The following PIEZO2 variants were observed in gnomAD, a reference collection of about 807,000 sequenced individuals.
The protein encoded by PIEZO2 is piezo-type mechanosensitive ion channel component 2.
PIEZO2 carries 172 observed loss-of-function variants against 337.3 expected under a neutral mutation model. That is an observed-to-expected ratio of 0.51 (90% CI 0.45 to 0.58). The LOEUF (loss-of-function observed/expected upper bound fraction) is 0.58. PIEZO2 is among the 20% of genes least tolerant of loss of function. The probability of loss-of-function intolerance (pLI) is 0.00; values close to 1 mark genes in which losing one functional copy is unlikely to be tolerated. For missense variants in PIEZO2, 3,028 were observed against 3,391.3 expected, an observed-to-expected ratio of 0.89 and a Z score of 2.66; for synonymous variants, 1,251 against 1,228.5, an observed-to-expected ratio of 1.02 and a Z score of -0.38.
At chr18:10,742,087 G>C (rs868362569) in intron 32 of PIEZO2, among the ~76,000 whole-genome samples, 1 of 151,866 alleles carries the variant, frequency 6.6e-6, no homozygotes, top group African/African-American at 2.4e-5. Flanking sequence ...CCCGGGAGGC[G>C]GAGCTTGCAG....
intron 2 of PIEZO2, among the ~76,000 whole-genome samples, chr18:10,983,485 T>A (rs1378952655): frequency 6.6e-6 from 1 of 152,116 alleles, no homozygotes; most frequent in Non-Finnish European, 1.5e-5. Context: ...TGCGGTCTTG[T>A]GAAATGTTAG....
rs1338375440 is a variant in PIEZO2 at position 10,813,274 on chromosome 18, C to CG, written c.918-6001dup. On this transcript the variant is annotated intron_variant, in intron 7 of 55. Coordinates refer to ENST00000674853, the MANE Select transcript of PIEZO2 (RefSeq NM_001378183.1). The surrounding 1 kb of genome is among the most constrained non-coding windows in gnomAD (Gnocchi z 4.2). ...CATTACAGGAGTGAGCCACCGCGCCCGGGCCATTTTAAACATTTTTAAGAA... is the reference window on the plus strand; with the variant it reads ...CATTACAGGAGTGAGCCACCGCGCCCGGGGCCATTTTAAACATTTTTAAGAA... 6.6e-6 allele frequency among the ~76,000 whole-genome samples: 1 copy of CG among 152,122 alleles called. No individual in the cohort carries two copies. Among genetic ancestry groups the CG allele is most frequent in the African/African-American group, 2.4e-5 (1 of 41,414 alleles).
At chr18:11,034,068 C>G (rs553988795) in intron 2 of PIEZO2, among the ~76,000 whole-genome samples, 31 of 152,102 alleles carry the variant, frequency 2.0e-4, no homozygotes, top group Non-Finnish European at 3.7e-4. Context: ...TCTTCTCACC[C>G]AATGCTGTGT....
chr18:10,789,490 T>A, intron 14 of PIEZO2, 125 bp from the exon 15 acceptor site: 1 of 1,165,672 alleles, frequency 8.6e-7, no homozygotes, highest in Non-Finnish European at 1.2e-6. Flanking sequence ...TTGGATGATT[T>A]TAGACTATTC....
intron 16 of PIEZO2, 83 bp downstream of exon 16, chr18:10,786,953 C>T: frequency 7.6e-7 from 1 of 1,319,130 alleles, no homozygotes; most frequent in Non-Finnish European, 1.0e-6. Flanking sequence ...TCATGCTTTA[C>T]TAAAATCTTC....
intron 2 of PIEZO2, among the ~76,000 whole-genome samples, chr18:11,051,627 A>T (rs747746178): frequency 1.4e-4 from 21 of 152,170 alleles, no homozygotes; most frequent in Non-Finnish European, 2.8e-4. Context: ...TGGCAGGACT[A>T]AATAAGCAAA....
chr18:11,008,431 G>A (rs995391275), intron 2 of PIEZO2, among the ~76,000 whole-genome samples: 2 of 152,108 alleles, frequency 1.3e-5, no homozygotes, highest in Non-Finnish European at 2.9e-5. Flanking sequence ...CCCTCAGGAC[G>A]ACCTAACTTC....
rs1164295442 is a variant in PIEZO2, at chr18:11,148,047, C to G, written c.64+478G>C. On this transcript the variant is annotated intron_variant, in intron 1 of 55. Coordinates refer to ENST00000674853, the MANE Select transcript of PIEZO2 (RefSeq NM_001378183.1). This position sits in a 1 kb window ranked among gnomAD's most constrained non-coding sequence, Gnocchi z 5.2. ...TCCCTCTTTTTCTTTTTTGAATGAC[C>G]GGAGTCCTTCACTTCTTCCTTCACG... Among the ~76,000 whole-genome samples the G allele has an allele frequency of 1.3e-5, 2 of 152,036 alleles. No individual in the cohort carries two copies. The highest frequency in any genetic ancestry group is 2.9e-5 in the Non-Finnish European group (2 of 67,994).
chr18:10,762,712 T>C, intron 22 of PIEZO2, 87 bp from the exon 23 acceptor site: 2 of 1,453,842 alleles, frequency 1.4e-6, no homozygotes, highest in Non-Finnish European at 1.8e-6. Flanking sequence ...TTGAGCAAAA[T>C]GATAGTGGTA....
chr18:11,143,253 T>C lies in PIEZO2; in HGVS notation c.64+5272A>G, dbSNP rs939949426. Among the ~76,000 whole-genome samples the C allele has an allele frequency of 4.6e-5, 7 of 152,230 alleles. No individual in the cohort carries two copies. Among genetic ancestry groups the C allele is most frequent in the African/African-American group, 1.7e-4 (7 of 41,464 alleles). On this transcript the variant is annotated intron_variant, in intron 1 of 55. Coordinates refer to ENST00000674853, the MANE Select transcript of PIEZO2 (RefSeq NM_001378183.1). The surrounding 1 kb of genome is among the most constrained non-coding windows in gnomAD (Gnocchi z 4.9). ...ATGGTATCATATTGTTCTTCATCAA[T>C]TGTTCTTCAATATCCAGATGGCTTA...
rs1217265699 is a variant in PIEZO2, at chr18:10,780,371, G to C, written c.2493-5C>G. ...CGACCATTGACTTTGGCATGGCTAC[G>C]AGGTGGCAGACGGAAGCACAGGGAT... On this transcript the variant is annotated splice_region_variant and splice_polypyrimidine_tract_variant and intron_variant, in intron 17 of 55. Coordinates refer to ENST00000674853, the MANE Select transcript of PIEZO2 (RefSeq NM_001378183.1). 2 of 702,796 alleles carry C rather than the reference G, an allele frequency of 2.8e-6. No individual in the cohort carries two copies. Among genetic ancestry groups the C allele is most frequent in the African/African-American group, 1.7e-5 (1 of 57,232 alleles). The allele number at this position is 702,796 out of a possible 1,614,324, so 43.5% of individuals were successfully genotyped here. A position where few individuals can be genotyped will look rare whatever the true frequency, so the allele number is the denominator to read the frequency against.
At chr18:10,744,052 G>A (rs774764733) in intron 31 of PIEZO2, 90 bp downstream of exon 31, 1 of 872,088 alleles carries the variant, frequency 1.1e-6, no homozygotes, top group Admixed American at 2.6e-5. Context: ...ATTTTTCAGG[G>A]GTTTGAGGCT....
rs2041042406 is a variant in PIEZO2 at position 10,837,204 on chromosome 18, A to T, written c.917+18149T>A. ...GGACGGTAACAGAACCTGGAAATCA[A>T]TGCTTTGAGGGGATTTTATTTTGAC... On this transcript the variant is annotated intron_variant, in intron 7 of 55. Transcript: ENST00000674853. The surrounding 1 kb of genome is among the most constrained non-coding windows in gnomAD (Gnocchi z 4.4). 6.6e-6 allele frequency among the ~76,000 whole-genome samples: 1 copy of T among 152,186 alleles called. No homozygotes were observed. The highest frequency in any genetic ancestry group is 2.4e-5 in the African/African-American group (1 of 41,448).
chr18:10,816,834 G>A (rs912542277), intron 7 of PIEZO2, among the ~76,000 whole-genome samples: 1 of 151,902 alleles, frequency 6.6e-6, no homozygotes, highest in East Asian at 1.9e-4. Flanking sequence ...TTGCTTTTTT[G>A]CACAAATAGA....
chr18:10,683,832 T>C (rs908038953), intron 49 of PIEZO2, among the ~76,000 whole-genome samples: 3 of 152,206 alleles, frequency 2.0e-5, no homozygotes, highest in African/African-American at 4.8e-5. Flanking sequence ...GGTTTTAGTC[T>C]GTTCCACCTG....
In PIEZO2 at chr18:11,101,307, C is replaced by T. The variant is rs528249353; in HGVS notation, c.65-35085G>A. The stretch of plus-strand genomic sequence containing the variant: ...CAATGGAGAGTCAATCCTGAGGCCT[C>T]GAGTGCTGCACGTGGGTCCCCACGC... On this transcript the variant is annotated intron_variant, in intron 1 of 55. Transcript: ENST00000674853. This position sits in a 1 kb window ranked among gnomAD's most constrained non-coding sequence, Gnocchi z 4.4. 3.9e-5 allele frequency among the ~76,000 whole-genome samples: 6 copies of T among 152,350 alleles called. No homozygotes were observed. The highest frequency in any genetic ancestry group is 1.4e-4 in the African/African-American group (6 of 41,578).
At position 11,126,034 on chromosome 18, in the gene PIEZO2, C is replaced by T. The variant is rs751981001; in HGVS notation, c.64+22491G>A. On this transcript the variant is annotated intron_variant, in intron 1 of 55. Transcript: ENST00000674853. This position sits in a 1 kb window ranked among gnomAD's most constrained non-coding sequence, Gnocchi z 4.6. ...CATGCATAATGACTCCATTTATTTTCCAAAATACGTTAACTTTCAGTCTGT... is the reference window on the plus strand; with the variant it reads ...CATGCATAATGACTCCATTTATTTTTCAAAATACGTTAACTTTCAGTCTGT... 1.1e-4 allele frequency among the ~76,000 whole-genome samples: 17 copies of T among 152,156 alleles called. No homozygotes were observed. Among genetic ancestry groups the T allele is most frequent in the Non-Finnish European group, 1.5e-5 (1 of 68,020 alleles).
chr18:10,986,643 A>C (rs1053894710), intron 2 of PIEZO2, among the ~76,000 whole-genome samples: 1 of 151,958 alleles, frequency 6.6e-6, no homozygotes, highest in Non-Finnish European at 1.5e-5. Context: ...AAAGTTGAAA[A>C]TTTTTCCTCT....
intron 1 of PIEZO2, among the ~76,000 whole-genome samples, chr18:11,108,990 C>A (rs1312160036): frequency 6.6e-6 from 1 of 152,222 alleles, no homozygotes; most frequent in East Asian, 1.9e-4. Context: ...GCAGAACTTG[C>A]CCCCTGTCAG....
Sources: allele counts gnomAD v4.1 joint callset (sites outside exome capture counted in the v4.1 genomes callset), GRCh38; gene constraint gnomAD v4.1.1; non-coding constraint Gnocchi (gnomAD v3.1); transcripts MANE v1.5; gene names NCBI Gene and HGNC (gene_info 2026-07-23, HGNC 2026-07-21).